RARRES1: variants seen among roughly 807,000 people sequenced by gnomAD.
RARRES1 encodes retinoic acid receptor responder 1.
RARRES1 carries 34 observed loss-of-function variants against 30.6 expected under a neutral mutation model. That is an observed-to-expected ratio of 1.11 (90% CI 0.84 to 1.48). The LOEUF (loss-of-function observed/expected upper bound fraction) is 1.48, where lower values mean the gene tolerates loss of function less well. RARRES1 is among the 40% of genes most tolerant of loss of function. The pLI, the probability that RARRES1 is intolerant of heterozygous loss-of-function variation, is 0.00. For synonymous variants in RARRES1, 153 were observed against 155.5 expected, an observed-to-expected ratio of 0.98 and a Z score of 0.12; for missense variants, 373 against 386.5, an observed-to-expected ratio of 0.97 and a Z score of 0.29.
chr3:158,709,552 A>G (rs978350355), intron 3 of RARRES1, among the ~76,000 whole-genome samples: 4 of 152,208 alleles, frequency 2.6e-5, no homozygotes, highest in Admixed American at 2.0e-4. Context: ...AATTTTAGAA[A>G]TGGAAGAAGC....
At chr3:158,710,614 A>T in intron 3 of RARRES1, 124 bp downstream of exon 3, 1 of 885,294 alleles carries the variant, frequency 1.1e-6, no homozygotes, top group Non-Finnish European at 1.7e-6. Context: ...ATTATGAGGG[A>T]TACCACAATA....
chr3:158,703,004 A>G (rs2108131245), intron 4 of RARRES1, among the ~76,000 whole-genome samples: 1 of 152,322 alleles, frequency 6.6e-6, no homozygotes, highest in Admixed American at 6.5e-5. Flanking sequence ...CTCAGAAGAT[A>G]CTCACTGATG....
intron 3 of RARRES1, among the ~76,000 whole-genome samples, chr3:158,710,498 G>T (rs773494393): frequency 3.3e-5 from 5 of 152,144 alleles, no homozygotes; most frequent in Admixed American, 2.6e-4. Flanking sequence ...ATGAGCCACC[G>T]CGCCCAGCTG....
At chr3:158,706,248 A>C (rs1052953666) in intron 3 of RARRES1, among the ~76,000 whole-genome samples, 8 of 152,198 alleles carry the variant, frequency 5.3e-5, no homozygotes, top group Admixed American at 2.0e-4. Flanking sequence ...TATAGTTGAT[A>C]CATTCCTTAA....
intron 4 of RARRES1, among the ~76,000 whole-genome samples, chr3:158,703,173 G>C (rs1320163728): frequency 6.6e-6 from 1 of 152,168 alleles, no homozygotes; most frequent in Non-Finnish European, 1.5e-5. Flanking sequence ...GAAGCAGTTA[G>C]AATAGAGCTT....
intron 2 of RARRES1, among the ~76,000 whole-genome samples, chr3:158,712,546 A>G (rs1332730696): frequency 1.3e-5 from 2 of 152,198 alleles, no homozygotes; most frequent in Non-Finnish European, 2.9e-5. Flanking sequence ...GTACTGCTTT[A>G]AGATGTTAAT....
rs111581351 is a variant in RARRES1 at position 158,702,822 on chromosome 3, T to C, written c.672+1969A>G. Among the ~76,000 whole-genome samples the C allele has an allele frequency of 7.3e-3, 1,105 of 152,308 alleles. 16 individuals are homozygous for C. The highest frequency in any genetic ancestry group is 0.026 in the African/African-American group (1,072 of 41,570). Reference sequence around the variant, plus strand: ...TATATGGCAACAATCAATTAGATGATAATTTCTATTTAAAAGCATTCTATA... The same window carrying C: ...TATATGGCAACAATCAATTAGATGACAATTTCTATTTAAAAGCATTCTATA... On this transcript the variant is annotated intron_variant, in intron 4 of 5. Transcript: ENST00000237696.
chr3:158,698,507 A>G (rs1378226034), intron 4 of RARRES1, among the ~76,000 whole-genome samples: 1 of 152,226 alleles, frequency 6.6e-6, no homozygotes, highest in Non-Finnish European at 1.5e-5. Flanking sequence ...ACTGACTCCA[A>G]CACCCACATT....
chr3:158,710,021 G>C (rs895419403), intron 3 of RARRES1, among the ~76,000 whole-genome samples: 2 of 152,238 alleles, frequency 1.3e-5, no homozygotes, highest in East Asian at 3.8e-4. Flanking sequence ...GAGCAGAGTA[G>C]TGGCTCTGGA....
At chr3:158,711,023 G>T in intron 2 of RARRES1, 90 bp from the exon 3 acceptor site, 1 of 1,241,736 alleles carries the variant, frequency 8.1e-7, no homozygotes. Context: ...ATTGTACAAG[G>T]CAGGCAGGCT....
At chr3:158,698,015 T>C (rs1412286928) in intron 4 of RARRES1, 45 bp from the exon 5 acceptor site, 2 of 1,324,996 alleles carry the variant, frequency 1.5e-6, no homozygotes, top group African/African-American at 2.9e-5. Flanking sequence ...TGGTGGTATT[T>C]AGTGTAATAA....
At chr3:158,726,938 G>A (rs1330612136) in intron 1 of RARRES1, among the ~76,000 whole-genome samples, 5 of 152,178 alleles carry the variant, frequency 3.3e-5, no homozygotes, top group African/African-American at 1.2e-4. Context: ...TTGGTGATAC[G>A]TGAATTCTTG....
At chr3:158,699,700 A>G (rs904250534) in intron 4 of RARRES1, among the ~76,000 whole-genome samples, 3 of 152,160 alleles carry the variant, frequency 2.0e-5, no homozygotes, top group African/African-American at 4.8e-5. Flanking sequence ...CTTCTTGGCA[A>G]TAGTCAGTAG....
intron 2 of RARRES1, among the ~76,000 whole-genome samples, chr3:158,711,600 C>CTTT (rs1175463184): frequency 2.2e-4 from 27 of 121,300 alleles, no homozygotes; most frequent in Non-Finnish European, 2.9e-4. Context: ...TTGCATTCAT[C>CTTT]TTTTTTTTTT....
rs745593228 is a variant in RARRES1 at position 158,697,905 on chromosome 3, T to C, written c.735+3A>G. On this transcript the variant is annotated splice_donor_region_variant and intron_variant, in intron 5 of 5. Coordinates refer to ENST00000237696, the MANE Select transcript of RARRES1 (RefSeq NM_206963.2). ...CAATTCTACATACAATGTTATGTTT[T>C]ACCTGTGTTGATAATTCATGAAGTA... 7 of 1,559,554 alleles carry C rather than the reference T, an allele frequency of 4.5e-6. No individual in the cohort carries two copies. In the South Asian group the frequency reaches 7.8e-5, roughly 17 times the overall value.
At chr3:158,730,491 T>C (rs1727848375) in intron 1 of RARRES1, among the ~76,000 whole-genome samples, 1 of 150,084 alleles carries the variant, frequency 6.7e-6, no homozygotes, top group Admixed American at 6.7e-5. Context: ...AGTGGCACAT[T>C]CTCTGCTCAC....
rs1727229584 is a variant in RARRES1, at chr3:158,713,822, A to C, written c.314T>G (p.Phe105Cys). The C allele has an allele frequency of 6.2e-7, 1 of 1,614,056 alleles. No homozygotes were observed. Among genetic ancestry groups the C allele is most frequent in the Admixed American group, 1.7e-5 (1 of 60,008 alleles). ...PKEGCKVHVV[F>C]STERYNPESL... is the part of the protein sequence containing the mutation. Reference sequence around the variant, plus strand: ...CTCTGGGTTGTAGCGCTCTGTGCTGAAGACCACGTGAACTTTACATCCCTC... The same window carrying C: ...CTCTGGGTTGTAGCGCTCTGTGCTGCAGACCACGTGAACTTTACATCCCTC... The change falls in exon 2 of 6, where the codon TTC becomes TGC. Residue 105 changes from phenylalanine (F) to cysteine (C), a missense_variant. Coordinates refer to ENST00000237696, the MANE Select transcript of RARRES1 (RefSeq NM_206963.2).
At chr3:158,712,422 A>T (rs1374584067) in intron 2 of RARRES1, among the ~76,000 whole-genome samples, 1 of 152,202 alleles carries the variant, frequency 6.6e-6, no homozygotes, top group East Asian at 1.9e-4. Context: ...AAATAAAAAA[A>T]TTGGATCTGC....
rs1465773720 is a variant in RARRES1, at chr3:158,723,451, C to T, written c.276+8689G>A. Among the ~76,000 whole-genome samples, 1 of 152,192 alleles carries T rather than the reference C, an allele frequency of 6.6e-6. No homozygotes were observed. Among genetic ancestry groups the T allele is most frequent in the African/African-American group, 2.4e-5 (1 of 41,438 alleles). On this transcript the variant is annotated intron_variant, in intron 1 of 5. Transcript: ENST00000237696. This position sits in a 1 kb window ranked among gnomAD's most constrained non-coding sequence, Gnocchi z 4.4. ...GACAGCATCAGTATATTATATTATACCCTGGAATCATTTTATTGCATTTTC... is the reference window on the plus strand; with the variant it reads ...GACAGCATCAGTATATTATATTATATCCTGGAATCATTTTATTGCATTTTC...
Sources: gnomAD v4.1 joint callset for allele counts (sites outside exome capture counted in the v4.1 genomes callset) on GRCh38, gnomAD v4.1.1 for gene constraint, Gnocchi (gnomAD v3.1) non-coding constraint, MANE v1.5 for transcripts, NCBI Gene and HGNC (gene_info 2026-07-23, HGNC 2026-07-21) for gene names.